The following ARL13B variants were observed in gnomAD, a reference collection of about 807,000 sequenced individuals.
The protein encoded by ARL13B is ADP-ribosylation factor-like protein 13B.
ARL13B carries 36 observed loss-of-function variants against 56.1 expected under a neutral mutation model. The observed-to-expected ratio is 0.64, with a 90% CI of 0.49 to 0.85. The LOEUF (loss-of-function observed/expected upper bound fraction) is 0.85. ARL13B is among the 40% of genes least tolerant of loss of function. The pLI is 0.00. For synonymous variants in ARL13B, 178 were observed against 171.1 expected, an observed-to-expected ratio of 1.04 and a Z score of -0.32; for missense variants, 519 against 507.1, an observed-to-expected ratio of 1.02 and a Z score of -0.23.
At chr3:94,045,294 A>AG (rs2076961680) in intron 7 of ARL13B, among the ~76,000 whole-genome samples, 1 of 152,126 alleles carries the variant, frequency 6.6e-6, no homozygotes. Flanking sequence ...GTACCCAGGG[A>AG]CACAAACACT....
chr3:94,051,253 G>C (rs1483706293), intron 9 of ARL13B, among the ~76,000 whole-genome samples: 1 of 151,948 alleles, frequency 6.6e-6, no homozygotes, highest in Admixed American at 6.6e-5. Flanking sequence ...GTAGTTTCCT[G>C]TATATGCTCA....
intron 7 of ARL13B, among the ~76,000 whole-genome samples, chr3:94,047,655 A>T (rs1170998062): frequency 1.3e-5 from 2 of 152,156 alleles, no homozygotes; most frequent in African/African-American, 4.8e-5. Flanking sequence ...GTAACTTAAG[A>T]TCATATATCT....
intron 3 of ARL13B, among the ~76,000 whole-genome samples, chr3:94,020,268 G>A (rs1464007060): frequency 6.6e-6 from 1 of 152,084 alleles, no homozygotes; most frequent in South Asian, 2.1e-4. Flanking sequence ...CTTAATATGT[G>A]CCAGGCACTA....
At chr3:94,012,098 A>T (rs984791538) in intron 3 of ARL13B, among the ~76,000 whole-genome samples, 114 of 152,058 alleles carry the variant, frequency 7.5e-4, no homozygotes, top group African/African-American at 2.7e-3. Context: ...TTCTTTTATT[A>T]ACTCCTCTTC....
At chr3:93,984,959 C>T (rs925104650) in intron 1 of ARL13B, among the ~76,000 whole-genome samples, 3 of 152,074 alleles carry the variant, frequency 2.0e-5, no homozygotes, top group African/African-American at 4.8e-5. Context: ...GCAGTAAGCC[C>T]AGGTTGCCCC....
chr3:93,992,967 ATT>A (rs137978294), intron 1 of ARL13B, among the ~76,000 whole-genome samples: 133 of 114,480 alleles, frequency 1.2e-3, no homozygotes, highest in Middle Eastern at 4.6e-3. Context: ...TAATTTTTGT[ATT>A]TTTTTTTTTT....
chr3:94,021,181 A>ATT (rs995553123), intron 3 of ARL13B, among the ~76,000 whole-genome samples: 35 of 143,676 alleles, frequency 2.4e-4, no homozygotes, highest in East Asian at 1.0e-3. Context: ...GTTTAATATT[A>ATT]TTATATATAT....
At chr3:94,034,264 GAC>G (rs2076729529) in intron 3 of ARL13B, among the ~76,000 whole-genome samples, 1 of 151,920 alleles carries the variant, frequency 6.6e-6, no homozygotes, top group Middle Eastern at 3.2e-3. Flanking sequence ...AAGCAAGAAT[GAC>G]ACAGTTTTGA....
intron 2 of ARL13B, among the ~76,000 whole-genome samples, chr3:93,998,082 T>G (rs1273622195): frequency 6.6e-6 from 1 of 152,262 alleles, no homozygotes; most frequent in Non-Finnish European, 1.5e-5. Context: ...AATTTTCATG[T>G]GTTAGGAAAT....
intron 3 of ARL13B, among the ~76,000 whole-genome samples, chr3:94,007,613 T>G (rs776394229): frequency 2.0e-4 from 31 of 152,226 alleles, no homozygotes; most frequent in Non-Finnish European, 8.8e-5. Context: ...CCATCAGATC[T>G]CGTGTGACTT....
chr3:93,994,497 G>A (rs184399938), intron 1 of ARL13B, among the ~76,000 whole-genome samples: 17 of 146,932 alleles, frequency 1.2e-4, no homozygotes, highest in East Asian at 6.0e-4. Flanking sequence ...ATAATTTATC[G>A]TATTATTAGT....
intron 3 of ARL13B, among the ~76,000 whole-genome samples, chr3:94,026,300 C>T (rs1576007096): frequency 6.6e-6 from 1 of 152,236 alleles, no homozygotes; most frequent in Non-Finnish European, 1.5e-5. Flanking sequence ...TTTAAACTTA[C>T]GATTACATCA....
At chr3:94,003,104 T>C (rs1387595102) in intron 2 of ARL13B, among the ~76,000 whole-genome samples, 1 of 152,178 alleles carries the variant, frequency 6.6e-6, no homozygotes, top group African/African-American at 2.4e-5. Flanking sequence ...CAAAATATGT[T>C]CCTATAGAAA....
chr3:94,029,433 C>T (rs1337066293), intron 3 of ARL13B, among the ~76,000 whole-genome samples: 8 of 146,814 alleles, frequency 5.4e-5, no homozygotes, highest in Non-Finnish European at 7.5e-5. Flanking sequence ...CTGCAACCTC[C>T]GTCTCCCGGG....
chr3:94,007,727 A>G (rs190974403), intron 3 of ARL13B, among the ~76,000 whole-genome samples: 4 of 152,300 alleles, frequency 2.6e-5, no homozygotes, highest in Admixed American at 2.6e-4. Flanking sequence ...ACAATTCAAG[A>G]TGAGATTTGG....
chr3:94,029,443 G>A (rs1470104843), intron 3 of ARL13B, among the ~76,000 whole-genome samples: 1 of 148,528 alleles, frequency 6.7e-6, no homozygotes, highest in African/African-American at 2.5e-5. Context: ...CGTCTCCCGG[G>A]TTCAAGCAAT....
chr3:94,033,174 T>G (rs1477120081), intron 3 of ARL13B, among the ~76,000 whole-genome samples: 1 of 152,172 alleles, frequency 6.6e-6, no homozygotes, highest in East Asian at 1.9e-4. Context: ...GTGTACACAT[T>G]GACATGGAGT....
chr3:94,048,544 T>C (rs2077018155), intron 7 of ARL13B, among the ~76,000 whole-genome samples: 1 of 152,166 alleles, frequency 6.6e-6, no homozygotes, highest in South Asian at 2.1e-4. Context: ...TGTATTGTAT[T>C]GGGCCTACCT....
At chr3:94,005,955 C>G (rs533181335) in intron 3 of ARL13B, among the ~76,000 whole-genome samples, 114 of 152,166 alleles carry the variant, frequency 7.5e-4, no homozygotes, top group African/African-American at 2.7e-3. Context: ...TGATGAATTT[C>G]CTATGCATGT....
Sources: gnomAD v4.1 joint callset for allele counts (sites outside exome capture counted in the v4.1 genomes callset) on GRCh38, gnomAD v4.1.1 for gene constraint, MANE v1.5 for transcripts, NCBI Gene and HGNC (gene_info 2026-07-23, HGNC 2026-07-21) for gene names.